The following MEGF8 variants were observed in gnomAD, a reference collection of about 807,000 sequenced individuals.
The protein encoded by MEGF8 is multiple epidermal growth factor-like domains protein 8.
A neutral mutation model predicts 302.9 loss-of-function variants in MEGF8; 156 were observed. The ratio of observed to expected loss-of-function variants is 0.52; its 90% CI spans 0.45 to 0.59. The LOEUF (loss-of-function observed/expected upper bound fraction) is 0.59, where lower values mean the gene tolerates loss of function less well. MEGF8 is among the 20% of genes least tolerant of loss of function. MEGF8 has a pLI of 0.00. For synonymous variants in MEGF8, 1,621 were observed against 1,660.5 expected (o/e 0.98, Z 0.58); for missense variants, 3,345 against 3,964.5 (o/e 0.84, Z 4.20).
At chr19:42,326,516 C>G (rs372990722) in intron 1 of MEGF8, 86 bp downstream of exon 1, 2 of 1,451,446 alleles carry the variant, frequency 1.4e-6, no homozygotes, top group Non-Finnish European at 1.8e-6. Flanking sequence ...TCCCAGAGCT[C>G]GGTTCTGGTC....
At position 42,336,088 on chromosome 19, in the gene MEGF8, C is replaced by G. The variant is rs750660042; in HGVS notation, c.986C>G (p.Ser329Trp). 6 of 1,600,806 alleles carry G rather than the reference C, an allele frequency of 3.7e-6. No individual in the cohort carries two copies. Among genetic ancestry groups the G allele is most frequent in the Non-Finnish European group, 5.1e-6 (6 of 1,176,668 alleles). Residue 329 changes from serine to tryptophan, a missense_variant, in exon 6 of 42, where the codon TCG (serine) becomes TGG (tryptophan). Physicochemically the swap from Ser to Trp is radical, Grantham distance 177. Transcript: ENST00000251268. This position sits in a 1 kb window ranked among gnomAD's most constrained non-coding sequence, Gnocchi z 4.8. ...ELLAPPASSS[S>W]GPPGLAGHAA... is the part of the protein sequence containing the mutation. ...CTGGCACCACCTGCCTCCAGCTCCT[C>G]GGGGCCCCCAGGCCTGGCAGGTCAC...
rs557133014 is a variant in MEGF8, at chr19:42,328,635, A to T, written c.187+2205A>T. Among the ~76,000 whole-genome samples the T allele has an allele frequency of 2.0e-5, 3 of 146,536 alleles. No homozygotes were observed. In the South Asian group the frequency reaches 6.7e-4, roughly 33 times the overall value. On this transcript the variant is annotated intron_variant, in intron 1 of 41. Coordinates refer to ENST00000251268, the MANE Select transcript of MEGF8 (RefSeq NM_001271938.2). ...GGATATAAATCACTCTCTGGCCTTAAAGAGTCCCAGACTGGTTAGGCCAGG... is the reference window on the plus strand; with the variant it reads ...GGATATAAATCACTCTCTGGCCTTATAGAGTCCCAGACTGGTTAGGCCAGG...
rs1313385722 is a variant in MEGF8 at position 42,368,682 on chromosome 19, T to G, written c.6481+20T>G. 6.5e-7 allele frequency: 1 copy of G among 1,532,822 alleles called. No individual in the cohort carries two copies. The highest frequency in any genetic ancestry group is 8.8e-7 in the Non-Finnish European group (1 of 1,140,544). The allele number at this position is 1,532,822 out of a possible 1,614,324, so 95.0% of individuals were successfully genotyped here. ...GTGATGGTGAGAGGGCTTTGGGCAC[T>G]GGGGGAGAGGGGCTGGCCCTTGGTT... On this transcript the variant is annotated intron_variant, in intron 36 of 41. Transcript: ENST00000251268. The surrounding 1 kb of genome is among the most constrained non-coding windows in gnomAD (Gnocchi z 4.9).
In MEGF8 at chr19:42,369,737, A is replaced by C; in HGVS notation, c.6834+14A>C. On this transcript the variant is annotated intron_variant, in intron 38 of 41. Coordinates refer to ENST00000251268, the MANE Select transcript of MEGF8 (RefSeq NM_001271938.2). This position sits in a 1 kb window ranked among gnomAD's most constrained non-coding sequence, Gnocchi z 5.7. Reference sequence around the variant, plus strand: ...AACCACACCAAGGTGGGCCGCCCGGAGCCTCAGACCCCCGACCCTGGGACC... The same window carrying C: ...AACCACACCAAGGTGGGCCGCCCGGCGCCTCAGACCCCCGACCCTGGGACC... 6.3e-7 allele frequency: 1 copy of C among 1,590,084 alleles called. No homozygotes were observed. Among genetic ancestry groups the C allele is most frequent in the Non-Finnish European group, 8.5e-7 (1 of 1,170,038 alleles).
Position 42,352,299 on chromosome 19 carries a change from GC to G in MEGF8, c.3196del (p.Arg1066AlafsTer27). 6.4e-7 allele frequency: 1 copy of G among 1,574,168 alleles called. No individual in the cohort carries two copies. The highest frequency in any genetic ancestry group is 8.6e-7 in the Non-Finnish European group (1 of 1,160,274). The part of the protein sequence containing the change: ...EGLGLPVALP[A>X]RWAYARCPDV... ...CCTGGGGCTTCCCGTGGCCCTCCCT[GC>G]CCGCTGGGCATACGCCCGCTGTCCT... On this transcript the variant is annotated frameshift_variant, in exon 19 of 42. Transcript: ENST00000251268. LOFTEE classifies it high-confidence loss of function. The surrounding 1 kb of genome is among the most constrained non-coding windows in gnomAD (Gnocchi z 4.4).
Position 42,376,046 on chromosome 19 carries a change from G to T in MEGF8, c.7809G>T (p.Glu2603Asp), listed in dbSNP as rs768902189. ...GGCTGGTCATCACCTACCCACACGA[G>T]CACCATGCCCTCAAGTCGAGCCGCT... ...RDRLVITYPH[E>D]HHALKSSRFY... The change falls in exon 42 of 42, where the codon GAG becomes GAT. Residue 2603 changes from glutamate (E) to aspartate (D), a missense_variant. Transcript: ENST00000251268. This position sits in a 1 kb window ranked among gnomAD's most constrained non-coding sequence, Gnocchi z 8.2. 8.1e-6 allele frequency: 13 copies of T among 1,604,274 alleles called. 1 individual carries two copies. In the South Asian group the frequency reaches 1.4e-4, roughly 18 times the overall value.
At chr19:42,335,012 C>A (rs1174704688) in intron 3 of MEGF8, 23 bp from the exon 4 acceptor site, 4 of 1,592,698 alleles carry the variant, frequency 2.5e-6, no homozygotes, top group Admixed American at 1.8e-5. Flanking sequence ...CTTATCTCTG[C>A]CTTTATGTCT....
Position 42,344,186 on chromosome 19 carries a change from A to T in MEGF8, c.1788+113A>T. Reference sequence around the variant, plus strand: ...TCCCTCAACTGGGAGACTTGTTTTCATGCCGGAGATCCTCCTTCCTGATTC... The same window carrying T: ...TCCCTCAACTGGGAGACTTGTTTTCTTGCCGGAGATCCTCCTTCCTGATTC... On this transcript the variant is annotated intron_variant, in intron 10 of 41. Coordinates refer to ENST00000251268, the MANE Select transcript of MEGF8 (RefSeq NM_001271938.2). This position sits in a 1 kb window ranked among gnomAD's most constrained non-coding sequence, Gnocchi z 4.5. 7.1e-7 allele frequency: 1 copy of T among 1,403,954 alleles called. No homozygotes were observed. The highest frequency in any genetic ancestry group is 9.5e-7 in the Non-Finnish European group (1 of 1,053,844). 87.0% of individuals were successfully genotyped at this position (1,403,954 alleles called of 1,614,324 possible). A position where few individuals can be genotyped will look rare whatever the true frequency, so the allele number is the denominator to read the frequency against.
chr19:42,358,079 G>A lies in MEGF8; in HGVS notation c.5012-65G>A. ...GGAGTGGTCACCGAACAGGGGACCG[G>A]GAGGTCGGCGGGGTCAGTGCTGTTG... On this transcript the variant is annotated intron_variant, in intron 28 of 41. Coordinates refer to ENST00000251268, the MANE Select transcript of MEGF8 (RefSeq NM_001271938.2). This position sits in a 1 kb window ranked among gnomAD's most constrained non-coding sequence, Gnocchi z 4.4. The A allele has an allele frequency of 4.2e-6, 6 of 1,413,404 alleles. No individual in the cohort carries two copies. In the South Asian group the frequency reaches 4.8e-5, roughly 11 times the overall value. The allele number at this position is 1,413,404 out of a possible 1,614,324, so 87.6% of individuals were successfully genotyped here.
rs1359511918 is a variant in MEGF8, at chr19:42,353,865, G to A, written c.3852G>A (p.Gly1284=). 1 of 1,602,484 alleles carries A rather than the reference G, an allele frequency of 6.2e-7. No individual in the cohort carries two copies. The change falls in exon 22 of 42, where the codon GGG becomes GGA. Residue 1284 remains glycine (G), a synonymous_variant. Transcript: ENST00000251268. The surrounding 1 kb of genome is among the most constrained non-coding windows in gnomAD (Gnocchi z 6.1). ...SVALGSRRVG[G]LLPPGGGAAR... ...CACTGGGCTCACGCCGGGTCGGGGG[G>A]CTGCTGCCTCCAGGTGGCGGGGCTG...
At chr19:42,349,440 T>C in intron 13 of MEGF8, 59 bp from the exon 14 acceptor site, 2 of 1,483,752 alleles carry the variant, frequency 1.3e-6, no homozygotes, top group South Asian at 1.3e-5. Context: ...GTATCAGGGG[T>C]CTGAGGAAGG....
Position 42,369,411 on chromosome 19 carries a change from A to G in MEGF8, c.6642-120A>G. On this transcript the variant is annotated intron_variant, in intron 37 of 41. Transcript: ENST00000251268. This position sits in a 1 kb window ranked among gnomAD's most constrained non-coding sequence, Gnocchi z 5.7. ...GCTAGATCCTGAAGAGAAGATAGCA[A>G]CGGGACAGAGCAGGGATGAGCAACC... The G allele has an allele frequency of 2.0e-6, 2 of 1,008,054 alleles. No individual in the cohort carries two copies. The allele number at this position is 1,008,054 out of a possible 1,614,324, so 62.4% of individuals were successfully genotyped here. A position where few individuals can be genotyped will look rare whatever the true frequency, so the allele number is the denominator to read the frequency against.
intron 8 of MEGF8, among the ~76,000 whole-genome samples, chr19:42,342,456 G>A (rs1216331385): frequency 1.3e-5 from 2 of 152,168 alleles, no homozygotes; most frequent in Admixed American, 1.3e-4. Context: ...GGCTAACACA[G>A]TAAAACCCCG....
chr19:42,373,391 G>A (rs542232368), intron 41 of MEGF8, among the ~76,000 whole-genome samples: 3 of 151,964 alleles, frequency 2.0e-5, no homozygotes, highest in East Asian at 1.9e-4. Context: ...ACCCCCGGCC[G>A]GTTCTTTTTT....
chr19:42,344,645 C>T lies in MEGF8; in HGVS notation c.1934-25C>T, dbSNP rs748683655. On this transcript the variant is annotated intron_variant, in intron 11 of 41. Transcript: ENST00000251268. The surrounding 1 kb of genome is among the most constrained non-coding windows in gnomAD (Gnocchi z 4.5). ...GCCAGAGCACTCCACACTGACCCAC[C>T]GGCCCCCACCCCCTGTCTTCTCAGA... The T allele has an allele frequency of 1.4e-5, 22 of 1,560,178 alleles. No homozygotes were observed. The highest frequency in any genetic ancestry group is 4.5e-5 in the East Asian group (2 of 44,020).
In MEGF8 at chr19:42,376,930, C is replaced by T. The variant is rs931070055; in HGVS notation, c.*155C>T. 10 of 713,360 alleles carry T rather than the reference C, an allele frequency of 1.4e-5. No homozygotes were observed. Among genetic ancestry groups the T allele is most frequent in the African/African-American group, 5.5e-5 (3 of 54,282 alleles). The allele number at this position is 713,360 out of a possible 1,614,324, so 44.2% of individuals were successfully genotyped here. On this transcript the variant is annotated 3_prime_UTR_variant, in exon 42 of 42. Transcript: ENST00000251268. The surrounding 1 kb of genome is among the most constrained non-coding windows in gnomAD (Gnocchi z 8.2). ...CCCAGATGGGGCCTCCTTTGTTCTG[C>T]ATTCAGCAGCTATTTATCGAGTACC...
At chr19:42,330,124 G>A (rs2039036703) in intron 1 of MEGF8, among the ~76,000 whole-genome samples, 1 of 152,100 alleles carries the variant, frequency 6.6e-6, no homozygotes, top group Non-Finnish European at 1.5e-5. Context: ...TGTATTTTTA[G>A]TAGAGATGGT....
chr19:42,330,461 T>G (rs1354375669), intron 1 of MEGF8, among the ~76,000 whole-genome samples: 3 of 152,172 alleles, frequency 2.0e-5, no homozygotes, highest in Non-Finnish European at 4.4e-5. Flanking sequence ...CTGGTAAGAT[T>G]CTGGGAGGTC....
rs1246309173 is a variant in MEGF8, at chr19:42,325,767, CG to C, written c.-475del. On this transcript the variant is annotated 5_prime_UTR_variant, in exon 1 of 42. Coordinates refer to ENST00000251268, the MANE Select transcript of MEGF8 (RefSeq NM_001271938.2). ...CCGGCACCCGCTCGCGCCCCGCCCC[CG>C]GCTGGAGGAGTCTCTCCTGGACCAT... 4 of 155,478 alleles carry C rather than the reference CG, an allele frequency of 2.6e-5. No homozygotes were observed. Among genetic ancestry groups the C allele is most frequent in the African/African-American group, 9.6e-5 (4 of 41,582 alleles). The allele number at this position is 155,478 out of a possible 1,614,324, so 9.6% of individuals were successfully genotyped here.
Sources: allele counts gnomAD v4.1 joint callset (sites outside exome capture counted in the v4.1 genomes callset), GRCh38; gene constraint gnomAD v4.1.1; non-coding constraint Gnocchi (gnomAD v3.1); transcripts MANE v1.5; gene names NCBI Gene and HGNC (gene_info 2026-07-23, HGNC 2026-07-21).